The following NEK10 variants were observed in gnomAD, a reference collection of about 807,000 sequenced individuals.
NEK10 encodes serine/threonine-protein kinase Nek10.
In NEK10, 122 loss-of-function variants were observed where a neutral mutation model predicts 159.8. The observed-to-expected ratio is 0.76, with a 90% CI of 0.66 to 0.89. NEK10 has a LOEUF of 0.89. Ranked by LOEUF, NEK10 falls within the 40% of genes least tolerant of loss-of-function variation. The probability of loss-of-function intolerance (pLI) is 0.00; values close to 1 mark genes in which losing one functional copy is unlikely to be tolerated. For missense variants in NEK10, 1,342 were observed against 1,323.1 expected, an observed-to-expected ratio of 1.01 and a Z score of -0.22; for synonymous variants, 466 against 457.1, an observed-to-expected ratio of 1.02 and a Z score of -0.25.
At chr3:27,310,470 C>T (rs1016347147) in intron 9 of NEK10, 1 of 152,268 alleles carries the variant, frequency 6.6e-6, no homozygotes, top group Admixed American at 6.5e-5. Context: ...GTTTCTGAAA[C>T]TTGGCTCCAC....
intron 5 of NEK10, among the ~76,000 whole-genome samples, chr3:27,330,938 CT>C (rs2046347521): frequency 6.6e-6 from 1 of 152,026 alleles, no homozygotes; most frequent in Admixed American, 6.6e-5. Flanking sequence ...TTTTTAGTAC[CT>C]AAAGACACAA....
At chr3:27,339,395 A>G (rs981213402) in intron 5 of NEK10, among the ~76,000 whole-genome samples, 1 of 152,248 alleles carries the variant, frequency 6.6e-6, no homozygotes. Context: ...AAAGGATATG[A>G]GCAGACACTT....
At chr3:27,364,880 A>G (rs576036799) in intron 1 of NEK10, among the ~76,000 whole-genome samples, 3 of 152,310 alleles carry the variant, frequency 2.0e-5, no homozygotes, top group South Asian at 2.1e-4. Flanking sequence ...CTTTCTATAC[A>G]TTACCTAATG....
intron 23 of NEK10, among the ~76,000 whole-genome samples, chr3:27,238,889 T>C (rs1251809135): frequency 6.6e-6 from 1 of 151,862 alleles, no homozygotes; most frequent in Non-Finnish European, 1.5e-5. Context: ...GGTTACAGAA[T>C]TTTCTGGGGT....
At chr3:27,117,732 T>A (rs555832507) in intron 33 of NEK10, among the ~76,000 whole-genome samples, 1 of 152,228 alleles carries the variant, frequency 6.6e-6, no homozygotes, top group African/African-American at 2.4e-5. Context: ...TACACCTTTG[T>A]CGGATAGATA....
rs568817694 is a variant in NEK10, at chr3:27,346,055, C to T, written c.263+31G>A. On this transcript the variant is annotated intron_variant, in intron 4 of 35. Transcript: ENST00000691995. ...ACTGTGAGCTAAGCAGAATAAGTTG[C>T]TGAAGACGAAGGAGATGCTGGATTT... is the stretch of plus-strand genomic sequence containing the variant. The T allele has an allele frequency of 1.9e-6, 3 of 1,610,168 alleles. No homozygotes were observed. The African/African-American group carries it at 4.0e-5, about 21-fold the overall frequency.
intron 30 of NEK10, among the ~76,000 whole-genome samples, chr3:27,150,535 G>A (rs1020986042): frequency 7.2e-5 from 11 of 152,158 alleles, no homozygotes; most frequent in Non-Finnish European, 1.3e-4. Context: ...AAAGCACTCT[G>A]TTTATTGAAT....
At chr3:27,268,653 T>C (rs1288430081) in intron 22 of NEK10, among the ~76,000 whole-genome samples, 1 of 152,220 alleles carries the variant, frequency 6.6e-6, no homozygotes, top group Non-Finnish European at 1.5e-5. Context: ...TTAGTGTTTG[T>C]TGACAATACA....
chr3:27,243,796 A>C (rs1392793034), intron 23 of NEK10, among the ~76,000 whole-genome samples: 1 of 149,538 alleles, frequency 6.7e-6, no homozygotes, highest in Non-Finnish European at 1.5e-5. Context: ...GGGTTTTCTA[A>C]CCCTTTAATC....
chr3:27,155,564 C>G, intron 30 of NEK10, among the ~76,000 whole-genome samples: 1 of 122,226 alleles, frequency 8.2e-6, no homozygotes. Flanking sequence ...AAATAAAATA[C>G]TTAGGAATAT....
At chr3:27,228,293 C>A (rs1387078963) in intron 23 of NEK10, among the ~76,000 whole-genome samples, 1 of 152,140 alleles carries the variant, frequency 6.6e-6, no homozygotes, top group Non-Finnish European at 1.5e-5. Flanking sequence ...TTCATTTCCT[C>A]ATGATGACTT....
At chr3:27,136,666 AC>A (rs756685923) in intron 31 of NEK10, among the ~76,000 whole-genome samples, 2 of 152,210 alleles carry the variant, frequency 1.3e-5, no homozygotes, top group East Asian at 1.9e-4. Flanking sequence ...TGCTGGTCTT[AC>A]GATTACCATT....
At chr3:27,265,998 G>A (rs763445135) in intron 22 of NEK10, among the ~76,000 whole-genome samples, 23 of 151,834 alleles carry the variant, frequency 1.5e-4, no homozygotes, top group Admixed American at 1.2e-3. Flanking sequence ...TAGTAAAGAC[G>A]GGGTTTCACA....
chr3:27,351,974 G>A (rs1415785907), intron 3 of NEK10, among the ~76,000 whole-genome samples: 1 of 151,916 alleles, frequency 6.6e-6, no homozygotes, highest in Non-Finnish European at 1.5e-5. Context: ...ACATGAAAAT[G>A]CTACTATAAA....
chr3:27,227,337 G>T (rs1231265701), intron 23 of NEK10, among the ~76,000 whole-genome samples: 1 of 152,160 alleles, frequency 6.6e-6, no homozygotes, highest in East Asian at 1.9e-4. Context: ...TATGGGTAAG[G>T]GGAAAGACAT....
chr3:27,247,550 A>G (rs1324371534), intron 23 of NEK10, among the ~76,000 whole-genome samples: 2 of 151,184 alleles, frequency 1.3e-5, no homozygotes, highest in African/African-American at 4.9e-5. Flanking sequence ...ATTTTATTTT[A>G]TTTTTTTGAG....
In NEK10 at chr3:27,284,966, A is replaced by G. The variant is rs1484006318; in HGVS notation, c.1790-5T>C. ...TAACTATGTACAACCTATCATCTATATAAATATCACAAAAGGTCACAGAAA... is the reference window on the plus strand; with the variant it reads ...TAACTATGTACAACCTATCATCTATGTAAATATCACAAAAGGTCACAGAAA... On this transcript the variant is annotated splice_region_variant and splice_polypyrimidine_tract_variant and intron_variant, in intron 20 of 35. Coordinates refer to ENST00000691995, the MANE Select transcript of NEK10 (RefSeq NM_001394966.1). The G allele has an allele frequency of 6.3e-7, 1 of 1,579,250 alleles. No homozygotes were observed. Among genetic ancestry groups the G allele is most frequent in the South Asian group, 1.2e-5 (1 of 85,736 alleles).
chr3:27,284,571 C>T (rs2149460737), intron 22 of NEK10, 31 bp downstream of exon 22: 2 of 1,213,094 alleles, frequency 1.6e-6, no homozygotes, highest in Non-Finnish European at 2.5e-6. Flanking sequence ...AGGAATTCTT[C>T]AGTTAAAAGT....
rs2042964159 is a variant in NEK10 at position 27,291,136 on chromosome 3, T to G, written c.1605+126A>C. The G allele has an allele frequency of 3.2e-6, 3 of 925,834 alleles. No individual in the cohort carries two copies. In the African/African-American group the frequency reaches 5.0e-5, roughly 15 times the overall value. The allele number at this position is 925,834 out of a possible 1,614,324, so 57.4% of individuals were successfully genotyped here. The stretch of plus-strand genomic sequence containing the variant: ...ATCTCTGTTGGACAAAAACAATCAT[T>G]CTAATTTTCATATCTGTTTGCTATT... On this transcript the variant is annotated intron_variant, in intron 18 of 35. Coordinates refer to ENST00000691995, the MANE Select transcript of NEK10 (RefSeq NM_001394966.1).
Sources: gnomAD v4.1 joint callset for allele counts (sites outside exome capture counted in the v4.1 genomes callset) on GRCh38, gnomAD v4.1.1 for gene constraint, MANE v1.5 for transcripts, NCBI Gene and HGNC (gene_info 2026-07-23, HGNC 2026-07-21) for gene names.